AGBL4: variants seen among roughly 807,000 people sequenced by gnomAD.
The protein encoded by AGBL4 is AGBL carboxypeptidase 4.
A neutral mutation model predicts 66.4 loss-of-function variants in AGBL4; 58 were observed. That is an observed-to-expected ratio of 0.87 (90% confidence interval 0.71 to 1.09). AGBL4 has a LOEUF of 1.09. Ranked by LOEUF, AGBL4 falls within the 50% of genes least tolerant of loss-of-function variation. AGBL4 has a pLI of 0.00. For synonymous variants in AGBL4, 234 were observed against 222.9 expected, an observed-to-expected ratio of 1.05 and a Z score of -0.44; for missense variants, 579 against 631.0, an observed-to-expected ratio of 0.92 and a Z score of 0.88.
intron 1 of AGBL4, among the ~76,000 whole-genome samples, chr1:49,968,886 C>T (rs1657804487): frequency 6.6e-6 from 1 of 152,196 alleles, no homozygotes; most frequent in African/African-American, 2.4e-5. Flanking sequence ...CTCTGAGCTA[C>T]CTAACTCTAG....
chr1:48,894,077 A>G (rs1363504227), intron 5 of AGBL4, among the ~76,000 whole-genome samples: 1 of 152,254 alleles, frequency 6.6e-6, no homozygotes, highest in African/African-American at 2.4e-5. Flanking sequence ...ATACTTCCGT[A>G]GCTTTTGAAA....
intron 2 of AGBL4, among the ~76,000 whole-genome samples, chr1:49,831,959 G>A (rs1019664419): frequency 1.3e-5 from 2 of 151,720 alleles, no homozygotes; most frequent in African/African-American, 4.8e-5. Flanking sequence ...GGATGAAGCT[G>A]ACTAGATCGT....
intron 1 of AGBL4, among the ~76,000 whole-genome samples, chr1:50,003,379 A>C (rs1369035003): frequency 1.3e-5 from 2 of 152,264 alleles, no homozygotes; most frequent in Admixed American, 1.3e-4. Flanking sequence ...GAGTTTCCTT[A>C]GATTCAGAAA....
chr1:49,342,578 G>GT, intron 3 of AGBL4, among the ~76,000 whole-genome samples: 1 of 152,266 alleles, frequency 6.6e-6, no homozygotes, highest in African/African-American at 2.4e-5. Flanking sequence ...AGGCCTAAAA[G>GT]TTATCTTGAG....
intron 3 of AGBL4, among the ~76,000 whole-genome samples, chr1:49,403,216 CCTTT>C (rs1645124545): frequency 1.3e-5 from 2 of 152,082 alleles, no homozygotes; most frequent in Non-Finnish European, 2.9e-5. Flanking sequence ...TGAGTTGATT[CCTTT>C]ATCATAATAT....
At chr1:49,351,742 A>G (rs1328577234) in intron 3 of AGBL4, among the ~76,000 whole-genome samples, 2 of 152,156 alleles carry the variant, frequency 1.3e-5, no homozygotes, top group African/African-American at 4.8e-5. Flanking sequence ...ACATTGGCCT[A>G]AGAATCAGTA....
intron 3 of AGBL4, among the ~76,000 whole-genome samples, chr1:49,414,890 T>C (rs1018783839): frequency 2.6e-5 from 4 of 152,170 alleles, no homozygotes; most frequent in Admixed American, 6.6e-5. Context: ...CAGCTAATGA[T>C]AGTTGCTATT....
intron 4 of AGBL4, among the ~76,000 whole-genome samples, chr1:49,137,301 C>T (rs767888996): frequency 8.6e-5 from 13 of 151,956 alleles, no homozygotes; most frequent in South Asian, 2.1e-4. Context: ...CTGATGTTAT[C>T]GTATAATAGA....
chr1:49,401,667 G>A (rs1645088612), intron 3 of AGBL4, among the ~76,000 whole-genome samples: 1 of 152,036 alleles, frequency 6.6e-6, no homozygotes, highest in Non-Finnish European at 1.5e-5. Flanking sequence ...TCCTTGTCTG[G>A]TTTTAGTATC....
chr1:48,603,389 G>A (rs1437657004), intron 9 of AGBL4, among the ~76,000 whole-genome samples: 1 of 152,160 alleles, frequency 6.6e-6, no homozygotes, highest in African/African-American at 2.4e-5. Context: ...AGAATTGCTT[G>A]AACCAGGGAG....
intron 3 of AGBL4, among the ~76,000 whole-genome samples, chr1:49,612,604 A>G (rs1645175611): frequency 6.6e-6 from 1 of 152,216 alleles, no homozygotes; most frequent in African/African-American, 2.4e-5. Context: ...AATACATACA[A>G]GTGGCCCACA....
Position 49,851,505 on chromosome 1 carries a change from TC to T in AGBL4, c.47del (p.Gly16GlufsTer10). 1 of 1,549,002 alleles carries T rather than the reference TC, an allele frequency of 6.5e-7. No individual in the cohort carries two copies. Among genetic ancestry groups the T allele is most frequent in the Non-Finnish European group, 8.7e-7 (1 of 1,145,792 alleles). ...QSAPEAGNDM[G>X]NDDAIGGNVS... Reference sequence around the variant, plus strand: ...CATTCCCTCCAATGGCATCATCATTTCCCATATCATTGCCTATTTAAAAAAA... The same window carrying T: ...CATTCCCTCCAATGGCATCATCATTTCCATATCATTGCCTATTTAAAAAAA... On this transcript the variant is annotated frameshift_variant, in exon 2 of 14. Coordinates refer to ENST00000371839, the MANE Select transcript of AGBL4 (RefSeq NM_032785.4). LOFTEE classifies it high-confidence loss of function.
At chr1:49,230,626 G>C (rs1365929301) in intron 4 of AGBL4, among the ~76,000 whole-genome samples, 1 of 152,096 alleles carries the variant, frequency 6.6e-6, no homozygotes, top group African/African-American at 2.4e-5. Context: ...TTGCACTAAA[G>C]AACTCTATCC....
At chr1:49,931,592 C>A (rs1213775479) in intron 1 of AGBL4, among the ~76,000 whole-genome samples, 1 of 152,108 alleles carries the variant, frequency 6.6e-6, no homozygotes, top group Non-Finnish European at 1.5e-5. Context: ...AATCCAATCA[C>A]CTCCCATCAG....
intron 3 of AGBL4, among the ~76,000 whole-genome samples, chr1:49,277,610 G>T (rs2148397991): frequency 6.6e-6 from 1 of 151,556 alleles, no homozygotes; most frequent in South Asian, 2.1e-4. Flanking sequence ...GATAGCTAAA[G>T]AAAATACTCT....
At chr1:49,878,017 A>T (rs1313146254) in intron 1 of AGBL4, among the ~76,000 whole-genome samples, 1 of 151,832 alleles carries the variant, frequency 6.6e-6, no homozygotes, top group Non-Finnish European at 1.5e-5. Context: ...CCCCTTTATC[A>T]TTTTTTATTG....
At chr1:49,287,648 G>T (rs1168523160) in intron 3 of AGBL4, among the ~76,000 whole-genome samples, 14 of 151,882 alleles carry the variant, frequency 9.2e-5, no homozygotes, top group South Asian at 2.1e-4. Flanking sequence ...GAAATGCAAA[G>T]CAAAACCACA....
intron 2 of AGBL4, among the ~76,000 whole-genome samples, chr1:49,797,607 A>T (rs1373905667): frequency 6.6e-6 from 1 of 151,986 alleles, no homozygotes; most frequent in East Asian, 1.9e-4. Flanking sequence ...CTAAGTTTTT[A>T]AAATTTTTTT....
chr1:48,663,166 G>A lies in AGBL4; in HGVS notation c.710C>T (p.Ser237Leu). The A allele has an allele frequency of 6.2e-7, 1 of 1,613,988 alleles. No individual in the cohort carries two copies. The highest frequency in any genetic ancestry group is 8.5e-7 in the Non-Finnish European group (1 of 1,179,870). ...CTGCCACTCACCTTGGCACACAAAT[G>A]ATGAGGGTGTTTCCCCTGGGTGGAC... ...GRVHPGETPS[S>L]FVCQGIIDFL... The change falls in exon 7 of 14, where the codon TCA becomes TTA. Residue 237 changes from serine to leucine, a missense_variant. Coordinates refer to ENST00000371839, the MANE Select transcript of AGBL4 (RefSeq NM_032785.4).
Sources: gnomAD v4.1 joint callset for allele counts (sites outside exome capture counted in the v4.1 genomes callset) on GRCh38, gnomAD v4.1.1 for gene constraint, MANE v1.5 for transcripts, NCBI Gene and HGNC (gene_info 2026-07-23, HGNC 2026-07-21) for gene names.